The following CACNG3 variants were observed in gnomAD, a reference collection of about 807,000 sequenced individuals.
The protein encoded by CACNG3 is calcium voltage-gated channel auxiliary subunit gamma 3, also known as voltage-dependent calcium channel gamma-3 subunit.
In CACNG3, 3 loss-of-function variants were observed where a neutral mutation model predicts 28.5. The observed-to-expected ratio is 0.11, with a 90% CI of 0.05 to 0.27. The LOEUF is 0.27. CACNG3 is among the 10% of genes least tolerant of loss of function. The pLI is 1.00. For missense variants in CACNG3, 236 were observed against 414.4 expected (o/e 0.57, Z 3.74); for synonymous variants, 174 against 162.2 (o/e 1.07, Z -0.55).
intron 1 of CACNG3, among the ~76,000 whole-genome samples, chr16:24,317,502 C>G (rs1899367476): frequency 6.9e-6 from 1 of 145,636 alleles, no homozygotes. Flanking sequence ...AATCAAGCCA[C>G]TGCCTCCAGC....
intron 1 of CACNG3, among the ~76,000 whole-genome samples, chr16:24,291,710 G>T (rs958142455): frequency 1.3e-5 from 2 of 152,114 alleles, no homozygotes; most frequent in Non-Finnish European, 2.9e-5. Context: ...TGTAGGACAA[G>T]TTACTTAACC....
chr16:24,317,603 A>G (rs1432165245), intron 1 of CACNG3, among the ~76,000 whole-genome samples: 6 of 73,558 alleles, frequency 8.2e-5, no homozygotes, highest in Admixed American at 2.8e-4. Flanking sequence ...AGAAAGAAAG[A>G]AAGAAAGAAA....
chr16:24,353,657 C>T (rs1341154912), intron 2 of CACNG3, among the ~76,000 whole-genome samples: 1 of 152,182 alleles, frequency 6.6e-6, no homozygotes, highest in African/African-American at 2.4e-5. Flanking sequence ...GACTGCAGCA[C>T]CCGCCACAAC....
At chr16:24,314,986 C>T (rs1410064839) in intron 1 of CACNG3, among the ~76,000 whole-genome samples, 1 of 152,136 alleles carries the variant, frequency 6.6e-6, no homozygotes, top group African/African-American at 2.4e-5. Context: ...TTATTCTCCA[C>T]CTGGGTTCCT....
At chr16:24,301,888 A>G (rs1054247843) in intron 1 of CACNG3, among the ~76,000 whole-genome samples, 1 of 152,148 alleles carries the variant, frequency 6.6e-6, no homozygotes, top group African/African-American at 2.4e-5. Flanking sequence ...ACCTGTCCAT[A>G]GCTGTATTTC....
At chr16:24,295,466 A>G (rs947729121) in intron 1 of CACNG3, among the ~76,000 whole-genome samples, 2 of 152,178 alleles carry the variant, frequency 1.3e-5, no homozygotes, top group Admixed American at 1.3e-4. Context: ...AAAATAACTG[A>G]CAATCAATCG....
In CACNG3 at chr16:24,279,343, G is replaced by A. The variant is rs574330196; in HGVS notation, c.211+22378G>A. 6.6e-5 allele frequency among the ~76,000 whole-genome samples: 10 copies of A among 152,226 alleles called. No homozygotes were observed. In the South Asian group the frequency reaches 2.1e-3, roughly 32 times the overall value. ...GGGTCTCACTCTGTTGGCCGGGCTG[G>A]AGTGCAGTGGTGCAATCTCGGCTTA... On this transcript the variant is annotated intron_variant, in intron 1 of 3. Transcript: ENST00000005284.
At chr16:24,337,756 C>A (rs192584224) in intron 1 of CACNG3, among the ~76,000 whole-genome samples, 1 of 152,088 alleles carries the variant, frequency 6.6e-6, no homozygotes. Context: ...GGAAGCCACC[C>A]AGAACCAAGT....
At chr16:24,324,053 C>A (rs552673419) in intron 1 of CACNG3, among the ~76,000 whole-genome samples, 1 of 152,138 alleles carries the variant, frequency 6.6e-6, no homozygotes, top group Non-Finnish European at 1.5e-5. Context: ...GGATTACAGA[C>A]GTGAGACAAT....
chr16:24,299,974 T>C (rs1054117433), intron 1 of CACNG3, among the ~76,000 whole-genome samples: 2 of 152,060 alleles, frequency 1.3e-5, no homozygotes, highest in South Asian at 2.1e-4. Flanking sequence ...GATAGAATGA[T>C]GTATTTTAAC....
intron 2 of CACNG3, among the ~76,000 whole-genome samples, chr16:24,350,341 G>A (rs1373977320): frequency 4.0e-5 from 6 of 150,720 alleles, no homozygotes; most frequent in South Asian, 2.1e-4. Context: ...TTGAGATGGG[G>A]TCTTACTCCA....
intron 1 of CACNG3, among the ~76,000 whole-genome samples, chr16:24,338,913 C>A (rs929952294): frequency 1.3e-5 from 2 of 152,202 alleles, no homozygotes; most frequent in African/African-American, 4.8e-5. Flanking sequence ...ATGAGTTTTT[C>A]TCTTGTTCAT....
chr16:24,304,966 T>C (rs1192038733), intron 1 of CACNG3, among the ~76,000 whole-genome samples: 2 of 152,256 alleles, frequency 1.3e-5, no homozygotes, highest in Non-Finnish European at 2.9e-5. Context: ...AATAAACTAA[T>C]TGGTAATCAA....
chr16:24,340,327 C>T (rs1174177104), intron 1 of CACNG3, among the ~76,000 whole-genome samples: 4 of 152,076 alleles, frequency 2.6e-5, no homozygotes, highest in Non-Finnish European at 4.4e-5. Context: ...GAGCCCAAAA[C>T]GTCGAGGCTT....
At chr16:24,337,838 C>A (rs1899732058) in intron 1 of CACNG3, among the ~76,000 whole-genome samples, 1 of 150,252 alleles carries the variant, frequency 6.7e-6, no homozygotes, top group Non-Finnish European at 1.5e-5. Context: ...TTGGGGCTGA[C>A]CTTGGTCCAT....
At chr16:24,257,362 GA>G (rs1305688790) in intron 1 of CACNG3, among the ~76,000 whole-genome samples, 1 of 100,226 alleles carries the variant, frequency 1.0e-5, no homozygotes, top group Non-Finnish European at 2.1e-5. Context: ...GGAAAGAAGT[GA>G]GGGGGGAGAG....
intron 1 of CACNG3, among the ~76,000 whole-genome samples, chr16:24,325,619 G>A (rs909919613): frequency 2.6e-5 from 4 of 152,224 alleles, no homozygotes; most frequent in Non-Finnish European, 4.4e-5. Context: ...CACAGTTTAT[G>A]AGCCGCCTCA....
intron 1 of CACNG3, among the ~76,000 whole-genome samples, chr16:24,275,522 G>A (rs1281937703): frequency 1.3e-5 from 2 of 152,168 alleles, no homozygotes; most frequent in Non-Finnish European, 2.9e-5. Context: ...GCACTTATGC[G>A]ACTGAGTTGC....
chr16:24,326,390 C>T (rs2283553), intron 1 of CACNG3, among the ~76,000 whole-genome samples: 3,780 of 152,134 alleles, frequency 0.025, 131 homozygotes, highest in African/African-American at 0.075. Flanking sequence ...AGGATGGTCT[C>T]GAATTCCCGA....
Sources: gnomAD v4.1 joint callset for allele counts (sites outside exome capture counted in the v4.1 genomes callset) on GRCh38, gnomAD v4.1.1 for gene constraint, MANE v1.5 for transcripts, NCBI Gene and HGNC (gene_info 2026-07-23, HGNC 2026-07-21) for gene names.